TBC1D2B: variants seen among roughly 807,000 people sequenced by gnomAD.
The protein encoded by TBC1D2B is TBC1 domain family member 2B, also known as TBC1 domain family, member 2B.
In TBC1D2B, 64 loss-of-function variants were observed where a neutral mutation model predicts 100.8. The ratio of observed to expected loss-of-function variants is 0.64; its 90% CI spans 0.52 to 0.78. The LOEUF (loss-of-function observed/expected upper bound fraction) is 0.78. Among genes scored for constraint, TBC1D2B ranks in the 30% least tolerant of loss-of-function variants. The pLI, the probability that TBC1D2B is intolerant of heterozygous loss-of-function variation, is 0.00. For synonymous variants in TBC1D2B, 480 were observed against 479.7 expected (o/e 1.00, Z -0.01); for missense variants, 1,052 against 1,218.4 (o/e 0.86, Z 2.03).
intron 4 of TBC1D2B, among the ~76,000 whole-genome samples, chr15:78,026,323 G>T (rs944197490): frequency 5.9e-5 from 9 of 152,070 alleles, no homozygotes; most frequent in Non-Finnish European, 4.4e-5. Context: ...TTATCACCAG[G>T]GTGGGTTAGT....
chr15:78,070,531 TGA>T (rs2073727664), intron 1 of TBC1D2B, among the ~76,000 whole-genome samples: 1 of 152,210 alleles, frequency 6.6e-6, no homozygotes, highest in Admixed American at 6.5e-5. Context: ...ACACAGTGAG[TGA>T]ATGAGTGGGA....
At chr15:78,024,829 C>T (rs2072616298) in intron 5 of TBC1D2B, among the ~76,000 whole-genome samples, 2 of 152,166 alleles carry the variant, frequency 1.3e-5, no homozygotes, top group South Asian at 4.1e-4. Flanking sequence ...ATTAAAAAAC[C>T]TGTGCTCTAA....
At chr15:78,000,279 C>T (rs1207553242) in intron 12 of TBC1D2B, among the ~76,000 whole-genome samples, 1 of 152,198 alleles carries the variant, frequency 6.6e-6, no homozygotes, top group Non-Finnish European at 1.5e-5. Flanking sequence ...GGTTGGCCTG[C>T]GGTGCCAGGG....
chr15:78,025,528 T>C, intron 4 of TBC1D2B, 31 bp from the exon 5 acceptor site: 2 of 1,419,680 alleles, frequency 1.4e-6, no homozygotes, highest in Non-Finnish European at 1.9e-6. Context: ...TATTTTATTA[T>C]TATTATTATT....
chr15:78,045,184 A>AT, intron 2 of TBC1D2B, 116 bp from the exon 3 acceptor site: 1 of 899,158 alleles, frequency 1.1e-6, no homozygotes, highest in Non-Finnish European at 1.6e-6. Flanking sequence ...GTAATAGTAT[A>AT]TTTTTAATGT....
chr15:78,009,970 G>A (rs113608115), intron 9 of TBC1D2B, among the ~76,000 whole-genome samples: 125 of 120,570 alleles, frequency 1.0e-3, no homozygotes, highest in Non-Finnish European at 1.6e-3. Flanking sequence ...GCCAGACTCC[G>A]TCTCAAAAAA....
intron 2 of TBC1D2B, among the ~76,000 whole-genome samples, chr15:78,049,620 C>A (rs1801228942): frequency 6.6e-6 from 1 of 152,118 alleles, no homozygotes; most frequent in South Asian, 2.1e-4. Flanking sequence ...ACCACCCCAC[C>A]CCCATTCACA....
chr15:78,025,758 CGTT>C (rs2072649763), intron 4 of TBC1D2B: 1 of 199,544 alleles, frequency 5.0e-6, no homozygotes. Flanking sequence ...GATCTCCTGA[CGTT>C]GTGATCCTTC....
At chr15:78,048,392 G>A (rs969085985) in intron 2 of TBC1D2B, among the ~76,000 whole-genome samples, 4 of 152,160 alleles carry the variant, frequency 2.6e-5, no homozygotes, top group Admixed American at 1.3e-4. Context: ...GCAGGAAACC[G>A]CCTCAAGGAG....
chr15:78,061,787 G>GA (rs1008382319), intron 1 of TBC1D2B, among the ~76,000 whole-genome samples: 150 of 149,712 alleles, frequency 1.0e-3, no homozygotes, highest in Admixed American at 1.7e-3. Context: ...CATTAAATTA[G>GA]AAAAAAAAAG....
At chr15:78,021,608 T>C (rs2072517588) in intron 6 of TBC1D2B, among the ~76,000 whole-genome samples, 2 of 152,206 alleles carry the variant, frequency 1.3e-5, no homozygotes, top group African/African-American at 2.4e-5. Context: ...CATGAGGTCA[T>C]GGACCCAGGC....
intron 1 of TBC1D2B, among the ~76,000 whole-genome samples, chr15:78,072,601 G>A (rs893587426): frequency 2.2e-4 from 34 of 152,204 alleles, no homozygotes; most frequent in African/African-American, 4.1e-4. Flanking sequence ...GGGGTACACA[G>A]CTATTCAGTT....
chr15:78,041,688 A>G (rs1000608648), intron 3 of TBC1D2B, among the ~76,000 whole-genome samples: 2 of 152,224 alleles, frequency 1.3e-5, no homozygotes, highest in Admixed American at 6.5e-5. Context: ...GCATGCCATA[A>G]GTAAAAACAA....
At chr15:78,006,148 T>TC (rs1312797063) in intron 10 of TBC1D2B, among the ~76,000 whole-genome samples, 1 of 152,130 alleles carries the variant, frequency 6.6e-6, no homozygotes, top group Non-Finnish European at 1.5e-5. Context: ...CATGTGACCC[T>TC]CCCCCCAAGT....
intron 12 of TBC1D2B, among the ~76,000 whole-genome samples, chr15:77,999,719 C>G (rs1194368442): frequency 6.6e-6 from 1 of 152,186 alleles, no homozygotes; most frequent in Admixed American, 6.5e-5. Context: ...CTGCAGAACA[C>G]GAGCCCGAAG....
At chr15:78,010,421 G>C (rs1027889154) in intron 9 of TBC1D2B, among the ~76,000 whole-genome samples, 1 of 152,102 alleles carries the variant, frequency 6.6e-6, no homozygotes, top group African/African-American at 2.4e-5. Flanking sequence ...AAGCTTATAA[G>C]CAACACTCAT....
At chr15:78,011,074 A>C (rs188370688) in intron 9 of TBC1D2B, among the ~76,000 whole-genome samples, 1 of 152,186 alleles carries the variant, frequency 6.6e-6, no homozygotes, top group Non-Finnish European at 1.5e-5. Flanking sequence ...GCTTTAAGCA[A>C]AACAAAACTG....
At chr15:78,057,262 A>C (rs1408584726) in intron 1 of TBC1D2B, among the ~76,000 whole-genome samples, 1 of 152,208 alleles carries the variant, frequency 6.6e-6, no homozygotes, top group Non-Finnish European at 1.5e-5. Context: ...CATATTGTAG[A>C]AATTTGGTCA....
Position 78,013,161 on chromosome 15 carries a change from T to C in TBC1D2B, c.1932A>G (p.Thr644=), listed in dbSNP as rs1235009953. Residue 644 remains threonine, a synonymous_variant, in exon 9 of 13, where the codon ACA becomes ACG. Transcript: ENST00000300584. ...GVKWENYFAS[T]VNREMMCSPE... The stretch of plus-strand genomic sequence containing the variant: ...GAGAGCACATCATCTCCCTGTTCAC[T>C]GTACTTGCAAAATAGTTTTCCCACT... The C allele has an allele frequency of 6.2e-7, 1 of 1,613,920 alleles. No individual in the cohort carries two copies. Among genetic ancestry groups the C allele is most frequent in the African/African-American group, 1.3e-5 (1 of 74,944 alleles).
Sources: allele counts gnomAD v4.1 joint callset (sites outside exome capture counted in the v4.1 genomes callset), GRCh38; gene constraint gnomAD v4.1.1; transcripts MANE v1.5; gene names NCBI Gene and HGNC (gene_info 2026-07-23, HGNC 2026-07-21).